CAB39: variants seen among roughly 807,000 people sequenced by gnomAD.
The protein encoded by CAB39 is calcium binding protein 39.
In CAB39, 8 loss-of-function variants were observed where a neutral mutation model predicts 40.0. The ratio of observed to expected loss-of-function variants is 0.20; its 90% CI spans 0.12 to 0.36. The LOEUF (loss-of-function observed/expected upper bound fraction) is 0.36. Among genes scored for constraint, CAB39 ranks in the 10% least tolerant of loss-of-function variants. The probability of loss-of-function intolerance (pLI) is 1.00; values close to 1 mark genes in which losing one functional copy is unlikely to be tolerated. For missense variants in CAB39, 270 were observed against 401.1 expected (o/e 0.67, Z 2.79); for synonymous variants, 156 against 141.6 (o/e 1.10, Z -0.72).
At chr2:230,737,382 A>G (rs1161535560) in intron 1 of CAB39, among the ~76,000 whole-genome samples, 1 of 152,104 alleles carries the variant, frequency 6.6e-6, no homozygotes, top group Non-Finnish European at 1.5e-5. Flanking sequence ...TCTCCCCGCT[A>G]CCCTCTCAGG....
chr2:230,798,589 C>G (rs1006038751), intron 4 of CAB39, 140 bp from the exon 5 acceptor site: 20 of 628,596 alleles, frequency 3.2e-5, no homozygotes, highest in Non-Finnish European at 4.7e-5. Flanking sequence ...ACTGAAATAC[C>G]TTCTGTAATC....
Position 230,759,985 on chromosome 2 carries a change from C to T in CAB39, c.-17C>T. 7.0e-7 allele frequency: 1 copy of T among 1,438,610 alleles called. No individual in the cohort carries two copies. The highest frequency in any genetic ancestry group is 9.8e-7 in the Non-Finnish European group (1 of 1,020,138). The allele number at this position is 1,438,610 out of a possible 1,614,324, so 89.1% of individuals were successfully genotyped here. A position where few individuals can be genotyped will look rare whatever the true frequency, so the allele number is the denominator to read the frequency against. ...TAGCACAGGCGGAGTGCAGCGGAGG[C>T]CCCTGCCGCTGCCGTCATGCCGTTC... On this transcript the variant is annotated 5_prime_UTR_variant, in exon 2 of 9. Coordinates refer to ENST00000258418, the MANE Select transcript of CAB39 (RefSeq NM_016289.4).
At chr2:230,746,530 T>G (rs767779367) in intron 1 of CAB39, among the ~76,000 whole-genome samples, 2 of 152,230 alleles carry the variant, frequency 1.3e-5, no homozygotes, top group African/African-American at 4.8e-5. Context: ...GCCATCACAC[T>G]TTAGTCACAA....
intron 4 of CAB39, among the ~76,000 whole-genome samples, chr2:230,794,422 T>C (rs1196260547): frequency 6.6e-6 from 1 of 152,204 alleles, no homozygotes; most frequent in Admixed American, 6.5e-5. Flanking sequence ...TAGAGCAGCT[T>C]TCAGGTGCCT....
chr2:230,713,752 C>T (rs78678859), intron 1 of CAB39: 1 of 152,334 alleles, frequency 6.6e-6, no homozygotes, highest in Non-Finnish European at 1.5e-5. Flanking sequence ...CCACCCCAAG[C>T]GCAGACTGCG....
At position 230,768,107 on chromosome 2, in the gene CAB39, A is replaced by G. The variant is rs1383006872; in HGVS notation, c.114+7992A>G. ...TTGTATTTATTGAAAATGGAATCAA[A>G]AACAGAGTTACTAATAACATGAAAC... is the stretch of plus-strand genomic sequence containing the variant. On this transcript the variant is annotated intron_variant, in intron 2 of 8. Coordinates refer to ENST00000258418, the MANE Select transcript of CAB39 (RefSeq NM_016289.4). Among the ~76,000 whole-genome samples the G allele has an allele frequency of 3.3e-5, 5 of 152,240 alleles. No homozygotes were observed. The East Asian group carries it at 7.7e-4, about 23-fold the overall frequency.
intron 1 of CAB39, among the ~76,000 whole-genome samples, chr2:230,752,996 T>C (rs1245774844): frequency 6.6e-6 from 1 of 152,062 alleles, no homozygotes; most frequent in Non-Finnish European, 1.5e-5. Context: ...TTTCAGATTG[T>C]TGAAACCATA....
At chr2:230,807,851 T>C (rs1029509079) in intron 5 of CAB39, among the ~76,000 whole-genome samples, 4 of 152,140 alleles carry the variant, frequency 2.6e-5, no homozygotes, top group Non-Finnish European at 2.9e-5. Flanking sequence ...TGCTTGGCAC[T>C]CTCTTCGTGA....
At chr2:230,740,654 C>T (rs1204181347) in intron 1 of CAB39, among the ~76,000 whole-genome samples, 1 of 152,088 alleles carries the variant, frequency 6.6e-6, no homozygotes, top group Admixed American at 6.5e-5. Flanking sequence ...CAACCTAGAT[C>T]CCTCGAATGC....
chr2:230,722,357 A>G (rs868074446), intron 1 of CAB39, among the ~76,000 whole-genome samples: 6 of 152,154 alleles, frequency 3.9e-5, no homozygotes, highest in South Asian at 2.1e-4. Context: ...GGGTCTCACT[A>G]TATTGCCCAG....
intron 1 of CAB39, among the ~76,000 whole-genome samples, chr2:230,727,184 A>G (rs73995134): frequency 0.021 from 3,142 of 151,650 alleles, 104 homozygotes; most frequent in African/African-American, 0.072. Context: ...TAAGAAGTAG[A>G]ACACTTGAAT....
intron 1 of CAB39, among the ~76,000 whole-genome samples, chr2:230,742,214 G>T (rs569339282): frequency 6.6e-6 from 1 of 151,800 alleles, no homozygotes; most frequent in East Asian, 1.9e-4. Context: ...TTGCTCTGTC[G>T]CCCAGGCTGG....
Position 230,803,224 on chromosome 2 carries a change from C to T in CAB39, c.567+4327C>T, listed in dbSNP as rs1696124699. 2.0e-5 allele frequency among the ~76,000 whole-genome samples: 3 copies of T among 152,172 alleles called. 1 individual carries two copies. The South Asian group carries it at 6.2e-4, about 31-fold the overall frequency. ...TCAACAGCCTTTCGTGCTAAAAACT[C>T]TCAATAAACTAGGTATTGATGGAAC... On this transcript the variant is annotated intron_variant, in intron 5 of 8. Coordinates refer to ENST00000258418, the MANE Select transcript of CAB39 (RefSeq NM_016289.4).
At chr2:230,721,084 TAATA>T (rs1037001819) in intron 1 of CAB39, among the ~76,000 whole-genome samples, 2 of 152,232 alleles carry the variant, frequency 1.3e-5, no homozygotes, top group African/African-American at 4.8e-5. Context: ...TTTCAGAGTA[TAATA>T]ATACGTTCTT....
At position 230,741,687 on chromosome 2, in the gene CAB39, C is replaced by T. The variant is rs377174131; in HGVS notation, c.-43-18272C>T. Reference sequence around the variant, plus strand: ...AAGTTGGAATCCAATTCTAAAGGCACGTGTATACATTCAGTTTTTAAAATA... The same window carrying T: ...AAGTTGGAATCCAATTCTAAAGGCATGTGTATACATTCAGTTTTTAAAATA... On this transcript the variant is annotated intron_variant, in intron 1 of 8. Transcript: ENST00000258418. 1.1e-4 allele frequency among the ~76,000 whole-genome samples: 16 copies of T among 152,116 alleles called. 1 individual carries two copies. The highest frequency in any genetic ancestry group is 5.8e-4 in the East Asian group (3 of 5,196).
intron 1 of CAB39, among the ~76,000 whole-genome samples, chr2:230,746,789 T>A (rs1239526650): frequency 2.0e-5 from 3 of 152,160 alleles, no homozygotes; most frequent in Non-Finnish European, 4.4e-5. Context: ...AGGATTTTTT[T>A]TGTTGGTGTG....
At chr2:230,732,272 C>T (rs564730067) in intron 1 of CAB39, among the ~76,000 whole-genome samples, 52 of 152,142 alleles carry the variant, frequency 3.4e-4, no homozygotes, top group Middle Eastern at 3.4e-3. Flanking sequence ...TTAGTGGAGA[C>T]GGTGTTTCAC....
intron 3 of CAB39, among the ~76,000 whole-genome samples, chr2:230,792,515 C>T (rs538425353): frequency 3.9e-5 from 6 of 152,164 alleles, no homozygotes; most frequent in African/African-American, 1.4e-4. Flanking sequence ...TCAGAAATGC[C>T]ACTTGGAGTC....
intron 1 of CAB39, among the ~76,000 whole-genome samples, chr2:230,748,352 A>G (rs1229546332): frequency 2.0e-5 from 3 of 152,002 alleles, no homozygotes; most frequent in African/African-American, 4.8e-5. Flanking sequence ...TGTACTTCCT[A>G]TTGTGTTGTA....
Sources: allele counts gnomAD v4.1 joint callset (sites outside exome capture counted in the v4.1 genomes callset), GRCh38; gene constraint gnomAD v4.1.1; transcripts MANE v1.5; gene names NCBI Gene and HGNC (gene_info 2026-07-23, HGNC 2026-07-21).